The following BCO2 variants were observed in gnomAD, a reference collection of about 807,000 sequenced individuals.
BCO2 encodes beta-carotene oxygenase 2.
In BCO2, 56 loss-of-function variants were observed where a neutral mutation model predicts 65.8. The ratio of observed to expected loss-of-function variants is 0.85; its 90% CI spans 0.69 to 1.06. BCO2 has a LOEUF of 1.06. Among genes scored for constraint, BCO2 ranks in the 50% least tolerant of loss-of-function variants. BCO2 has a pLI of 0.00. For synonymous variants in BCO2, 233 were observed against 242.3 expected, an observed-to-expected ratio of 0.96 and a Z score of 0.36; for missense variants, 675 against 698.5, an observed-to-expected ratio of 0.97 and a Z score of 0.38.
chr11:112,195,187 G>A (rs1867534895), intron 5 of BCO2, among the ~76,000 whole-genome samples: 1 of 66,934 alleles, frequency 1.5e-5, no homozygotes, highest in African/African-American at 8.7e-5. Context: ...CCAGGCAGGA[G>A]TGCAGTGGCG....
chr11:112,190,778 C>A (rs1592844240), intron 2 of BCO2, among the ~76,000 whole-genome samples: 1 of 150,744 alleles, frequency 6.6e-6, no homozygotes, highest in South Asian at 2.1e-4. Context: ...ATTGCTTGAA[C>A]CCGGGAGGCA....
In BCO2 at chr11:112,217,903, G is replaced by A. The variant is rs746530223; in HGVS notation, c.*29G>A. Reference sequence around the variant, plus strand: ...GACAACCACAAGGTCTGGAAACTAGGTTTAAAATAAGTGTGCACTTGGACA... The same window carrying A: ...GACAACCACAAGGTCTGGAAACTAGATTTAAAATAAGTGTGCACTTGGACA... On this transcript the variant is annotated 3_prime_UTR_variant, in exon 12 of 12. Transcript: ENST00000357685. 1.3e-6 allele frequency: 2 copies of A among 1,487,728 alleles called. No homozygotes were observed. The highest frequency in any genetic ancestry group is 2.3e-5 in the East Asian group (1 of 44,252). The allele number at this position is 1,487,728 out of a possible 1,614,324, so 92.2% of individuals were successfully genotyped here.
chr11:112,200,613 G>A lies in BCO2; in HGVS notation c.866G>A (p.Gly289Glu), dbSNP rs17113607. ...TTTATTGTTTGCTGGAACCTTTTAG[G>A]AATGACAAGGAACTATATAATTTTC... is the stretch of plus-strand genomic sequence containing the variant. The part of the protein sequence containing the change: ...KGKPSYYHSF[G>E]MTRNYIIFIE... Residue 289 changes from glycine to glutamate, a missense_variant and splice_region_variant, in exon 7 of 12, where the codon GGA (glycine) becomes GAA (glutamate). By Grantham distance (98) the Gly-to-Glu change is moderately conservative. Transcript: ENST00000357685. 3,847 of 1,595,672 alleles carry A rather than the reference G, an allele frequency of 2.4e-3. 73 individuals carry two copies. The African/African-American group carries it at 0.046, about 19-fold the overall frequency.
At chr11:112,198,963 T>G (rs1390239107) in intron 5 of BCO2, among the ~76,000 whole-genome samples, 4 of 152,102 alleles carry the variant, frequency 2.6e-5, no homozygotes, top group South Asian at 4.1e-4. Context: ...ATAATAGCTC[T>G]TTTTTATTAT....
intron 5 of BCO2, among the ~76,000 whole-genome samples, chr11:112,196,915 T>TCCCTTCCCTTCCCTTC (rs1555195364): frequency 8.0e-6 from 1 of 124,280 alleles, no homozygotes; most frequent in African/African-American, 3.3e-5. Context: ...TTCCTTTCCT[T>TCCCTTCCCTTCCCTTC]CCTTCCCTTC....
At chr11:112,196,525 A>G (rs1867578714) in intron 5 of BCO2, among the ~76,000 whole-genome samples, 1 of 152,220 alleles carries the variant, frequency 6.6e-6, no homozygotes, top group African/African-American at 2.4e-5. Flanking sequence ...GGTTTTTAAT[A>G]CTTATTTAAA....
intron 5 of BCO2, among the ~76,000 whole-genome samples, chr11:112,196,725 A>G (rs1164629249): frequency 1.3e-5 from 2 of 152,154 alleles, no homozygotes; most frequent in Non-Finnish European, 2.9e-5. Context: ...CATTCTTCCT[A>G]GGATGTCTAA....
At chr11:112,194,361 A>G in intron 4 of BCO2, 1 of 415,988 alleles carries the variant, frequency 2.4e-6, no homozygotes, top group Non-Finnish European at 4.2e-6. Flanking sequence ...AAAATTTTAG[A>G]CTAGATTTTT....
chr11:112,209,380 T>A (rs1407207458), intron 8 of BCO2, among the ~76,000 whole-genome samples: 1 of 152,230 alleles, frequency 6.6e-6, no homozygotes, highest in East Asian at 1.9e-4. Flanking sequence ...TTTTTTCACT[T>A]AGCAATATGC....
Position 112,175,512 on chromosome 11 carries a change from A to C in BCO2, c.-90A>C, listed in dbSNP as rs941915860. On this transcript the variant is annotated 5_prime_UTR_variant, in exon 1 of 12. Coordinates refer to ENST00000357685, the MANE Select transcript of BCO2 (RefSeq NM_031938.7). The stretch of plus-strand genomic sequence containing the variant: ...CCTGTCAGTGAGGGAGGGACAGTCC[A>C]GGCAGTTCTGTGCGTGTTCACTGTT... The C allele has an allele frequency of 1.5e-5, 14 of 919,236 alleles. No individual in the cohort carries two copies. The South Asian group carries it at 1.9e-4, about 12-fold the overall frequency. The allele number at this position is 919,236 out of a possible 1,614,324, so 56.9% of individuals were successfully genotyped here. A position where few individuals can be genotyped will look rare whatever the true frequency, so the allele number is the denominator to read the frequency against.
At chr11:112,203,297 A>G (rs1177075702) in intron 8 of BCO2, among the ~76,000 whole-genome samples, 1 of 152,190 alleles carries the variant, frequency 6.6e-6, no homozygotes, top group Non-Finnish European at 1.5e-5. Flanking sequence ...AATAGTACTT[A>G]TTAAGTTTAC....
At chr11:112,213,955 CT>C in intron 9 of BCO2, 94 bp downstream of exon 9, 1 of 1,055,458 alleles carries the variant, frequency 9.5e-7, no homozygotes, top group Non-Finnish European at 1.3e-6. Flanking sequence ...TACCCAATAA[CT>C]TTTATAACAT....
At chr11:112,179,118 G>A (rs1471836640) in intron 1 of BCO2, among the ~76,000 whole-genome samples, 160 bp from the exon 2 acceptor site, 1 of 132,934 alleles carries the variant, frequency 7.5e-6, no homozygotes, top group Non-Finnish European at 1.6e-5. Context: ...GATAGTCTGG[G>A]AATGAGGAAG....
At chr11:112,211,149 T>C (rs868824324) in intron 8 of BCO2, among the ~76,000 whole-genome samples, 1 of 152,174 alleles carries the variant, frequency 6.6e-6, no homozygotes, top group African/African-American at 2.4e-5. Flanking sequence ...TTCTACTTTC[T>C]GTTTCTATGA....
intron 11 of BCO2, 73 bp from the exon 12 acceptor site, chr11:112,217,688 C>T (rs1410939599): frequency 9.8e-6 from 10 of 1,018,340 alleles, no homozygotes; most frequent in South Asian, 1.5e-5. Context: ...AGGAATTTTA[C>T]AGCTTAGTGG....
rs35875505 is a variant in BCO2, at chr11:112,193,889, C to T, written c.528C>T (p.Asp176=). The change falls in exon 4 of 12, where the codon GAC becomes GAT. Residue 176 remains aspartate (D), a synonymous_variant. Coordinates refer to ENST00000357685, the MANE Select transcript of BCO2 (RefSeq NM_031938.7). ...AGGGTTTGGTTTCAGCCATGACTGA[C>T]AATACTAATGTCAACTATGTGCGGT... ...ELPGKAAAMT[D]NTNVNYVRYK... is the part of the protein sequence containing the mutation. 714 of 1,603,884 alleles carry T rather than the reference C, an allele frequency of 4.5e-4. 6 individuals carry two copies. In the African/African-American group the frequency reaches 8.7e-3, roughly 20 times the overall value.
rs1859608459 is a variant in BCO2 at position 112,214,753 on chromosome 11, C to G, written c.1333-9C>G. The G allele has an allele frequency of 3.1e-6, 5 of 1,608,726 alleles. No individual in the cohort carries two copies. Among genetic ancestry groups the G allele is most frequent in the East Asian group, 4.5e-5 (2 of 44,820 alleles). On this transcript the variant is annotated splice_polypyrimidine_tract_variant and intron_variant, in intron 9 of 11. Transcript: ENST00000357685. ...CAACCACTACAAATCCTTTTGAAAT[C>G]TCTTTTAGATCTGGTGCTCTCATGA...
chr11:112,215,425 T>C (rs1284525131), intron 10 of BCO2: 1 of 165,110 alleles, frequency 6.1e-6, no homozygotes, highest in Non-Finnish European at 1.3e-5. Flanking sequence ...AGAAAAGAGG[T>C]TTAGGCTGGG....
At chr11:112,179,212 G>A (rs905205211) in intron 1 of BCO2, 66 bp from the exon 2 acceptor site, 7 of 1,463,414 alleles carry the variant, frequency 4.8e-6, no homozygotes, top group Non-Finnish European at 6.7e-6. Context: ...ATTGTCTGTG[G>A]GAAACAGGCA....
Sources: gnomAD v4.1 joint callset for allele counts (sites outside exome capture counted in the v4.1 genomes callset) on GRCh38, gnomAD v4.1.1 for gene constraint, MANE v1.5 for transcripts, NCBI Gene and HGNC (gene_info 2026-07-23, HGNC 2026-07-21) for gene names.